CELF5: variants seen among roughly 807,000 people sequenced by gnomAD.
CELF5 encodes CUGBP Elav-like family member 5.
In CELF5, 6 loss-of-function variants were observed where a neutral mutation model predicts 54.9. The ratio of observed to expected loss-of-function variants is 0.11; its 90% CI spans 0.06 to 0.22. The LOEUF (loss-of-function observed/expected upper bound fraction) is 0.22. Among genes scored for constraint, CELF5 ranks in the 10% least tolerant of loss-of-function variants. CELF5 has a pLI of 1.00. For synonymous variants in CELF5, 271 were observed against 290.9 expected (o/e 0.93, Z 0.70); for missense variants, 401 against 678.6 (o/e 0.59, Z 4.54).
chr19:3,248,846 C>CTT (rs1185637740), intron 1 of CELF5, among the ~76,000 whole-genome samples: 1 of 139,340 alleles, frequency 7.2e-6, no homozygotes, highest in African/African-American at 2.6e-5. Context: ...AAACTTTTTT[C>CTT]TTTCTTTCTT....
chr19:3,277,329 TG>T (rs1213023762), intron 4 of CELF5, among the ~76,000 whole-genome samples: 4 of 151,964 alleles, frequency 2.6e-5, no homozygotes, highest in Admixed American at 2.0e-4. Flanking sequence ...AAAAATTAGC[TG>T]GGCGTGGTGG....
intron 9 of CELF5, among the ~76,000 whole-genome samples, chr19:3,285,609 C>G (rs913785797): frequency 6.7e-6 from 1 of 148,864 alleles, no homozygotes; most frequent in Non-Finnish European, 1.5e-5. Flanking sequence ...AGCCTTGGCC[C>G]CGCCCTCTAC....
At chr19:3,290,155 A>G in intron 10 of CELF5, 76 bp from the exon 11 acceptor site, 1 of 1,182,748 alleles carries the variant, frequency 8.5e-7, no homozygotes, top group Non-Finnish European at 1.2e-6. Context: ...TGCGGGCTCC[A>G]GACCTGTGCC....
chr19:3,227,042 C>T (rs1328619541), intron 1 of CELF5, among the ~76,000 whole-genome samples: 1 of 152,104 alleles, frequency 6.6e-6, no homozygotes, highest in African/African-American at 2.4e-5. Flanking sequence ...CGGCAATCAC[C>T]CTCCACTTTT....
chr19:3,286,091 C>A, intron 10 of CELF5, 66 bp downstream of exon 10: 1 of 1,360,886 alleles, frequency 7.3e-7, no homozygotes, highest in East Asian at 2.8e-5. Flanking sequence ...CACCTGCAGG[C>A]TCCGTGTCTG....
In CELF5 at chr19:3,268,988, G is replaced by T. The variant is rs2079921134; in HGVS notation, c.343-4884G>T. On this transcript the variant is annotated intron_variant, in intron 2 of 12. Coordinates refer to ENST00000292672, the MANE Select transcript of CELF5 (RefSeq NM_021938.4). The surrounding 1 kb of genome is among the most constrained non-coding windows in gnomAD (Gnocchi z 4.4). ...GGATCAAGGGCTGAGCCTCTACCCA[G>T]AGAGCAATAGGGAGCCACAGCAGCG... is the stretch of plus-strand genomic sequence containing the variant. Among the ~76,000 whole-genome samples, 1 of 152,132 alleles carries T rather than the reference G, an allele frequency of 6.6e-6. No individual in the cohort carries two copies. Among genetic ancestry groups the T allele is most frequent in the African/African-American group, 2.4e-5 (1 of 41,408 alleles).
At chr19:3,284,743 C>T (rs1259411627) in intron 8 of CELF5, 159 bp from the exon 9 acceptor site, 1 of 657,324 alleles carries the variant, frequency 1.5e-6, no homozygotes, top group Non-Finnish European at 2.8e-6. Flanking sequence ...CAAGTGGCTT[C>T]ACCTTCCTCG....
At chr19:3,291,368 T>G (rs1384308899) in intron 11 of CELF5, among the ~76,000 whole-genome samples, 3 of 151,660 alleles carry the variant, frequency 2.0e-5, no homozygotes, top group Admixed American at 2.0e-4. Flanking sequence ...GATCGAGACA[T>G]CCTGGCTAAC....
rs1257093554 is a variant in CELF5 at position 3,281,449 on chromosome 19, G to A, written c.750+104G>A. ...TCTCCCTCCATCTCCCTGACTCAGGGTCCTCTCCTGGCGTGGCTGAACCCC... is the reference window on the plus strand; with the variant it reads ...TCTCCCTCCATCTCCCTGACTCAGGATCCTCTCCTGGCGTGGCTGAACCCC... On this transcript the variant is annotated intron_variant, in intron 6 of 12. Transcript: ENST00000292672. The surrounding 1 kb of genome is among the most constrained non-coding windows in gnomAD (Gnocchi z 6.5). The A allele has an allele frequency of 7.4e-7, 1 of 1,351,480 alleles. No homozygotes were observed. The allele number at this position is 1,351,480 out of a possible 1,614,324, so 83.7% of individuals were successfully genotyped here.
At chr19:3,285,671 C>G (rs900818746) in intron 9 of CELF5, among the ~76,000 whole-genome samples, 1 of 127,346 alleles carries the variant, frequency 7.9e-6, no homozygotes, top group Non-Finnish European at 1.7e-5. Context: ...CCGCCCCCAC[C>G]CCCCCTTCCC....
intron 10 of CELF5, 95 bp downstream of exon 10, chr19:3,286,120 C>T: frequency 1.8e-6 from 2 of 1,141,372 alleles, no homozygotes; most frequent in Non-Finnish European, 2.3e-6. Context: ...CTCTGGGACC[C>T]GCGGGGCTGA....
chr19:3,293,525 C>G lies in CELF5; in HGVS notation c.*40+39C>G, dbSNP rs562017768. ...CGGCCCCACCCCCGCCCAAGCCCCC[C>G]GTCTTGTCTGAAACCCCCTCCCGCG... On this transcript the variant is annotated intron_variant, in intron 12 of 12. Transcript: ENST00000292672. 10 of 1,532,252 alleles carry G rather than the reference C, an allele frequency of 6.5e-6. No individual in the cohort carries two copies. In the Admixed American group the frequency reaches 1.4e-4, roughly 21 times the overall value. The allele number at this position is 1,532,252 out of a possible 1,614,324, so 94.9% of individuals were successfully genotyped here. A position where few individuals can be genotyped will look rare whatever the true frequency, so the allele number is the denominator to read the frequency against.
chr19:3,253,875 C>T lies in CELF5; in HGVS notation c.342+2808C>T, dbSNP rs113363946. ...GTACATAGATGGAGATTTACCAACA[C>T]TTCTAAGGAGTCCTCCCAGCTAAGC... On this transcript the variant is annotated intron_variant, in intron 2 of 12. Transcript: ENST00000292672. Among the ~76,000 whole-genome samples, 867 of 152,296 alleles carry T rather than the reference C, an allele frequency of 5.7e-3. 5 individuals are homozygous for T. Among genetic ancestry groups the T allele is most frequent in the African/African-American group, 0.019 (810 of 41,544 alleles).
chr19:3,244,731 TG>T (rs558288133), intron 1 of CELF5, among the ~76,000 whole-genome samples: 8 of 133,640 alleles, frequency 6.0e-5, no homozygotes, highest in African/African-American at 2.0e-4. Context: ...TGTGGTGTGT[TG>T]TGCGTGCCTT....
intron 11 of CELF5, 149 bp downstream of exon 11, chr19:3,290,523 G>A (rs915266744): frequency 6.4e-5 from 49 of 762,404 alleles, no homozygotes; most frequent in Middle Eastern, 4.0e-4. Context: ...AGTGGATCAC[G>A]CCTGTGATCC....
intron 1 of CELF5, among the ~76,000 whole-genome samples, chr19:3,241,429 G>A (rs935495886): frequency 5.3e-5 from 8 of 152,040 alleles, no homozygotes; most frequent in Admixed American, 5.2e-4. Context: ...GGTGCAGATT[G>A]CCAATCACTG....
intron 1 of CELF5, among the ~76,000 whole-genome samples, chr19:3,233,412 T>C (rs1917364420): frequency 6.6e-6 from 1 of 152,008 alleles, no homozygotes; most frequent in African/African-American, 2.4e-5. Context: ...CAAATAAAGT[T>C]GAGATAGGTG....
intron 9 of CELF5, 33 bp downstream of exon 9, chr19:3,284,997 C>CGGGCCCCGCCCCCGCCCA (rs2080213157): frequency 1.4e-6 from 2 of 1,448,226 alleles, no homozygotes; most frequent in Non-Finnish European, 9.6e-7. Context: ...GCGCTGGGCC[C>CGGGCCCCGCCCCCGCCCA]TGGCCCCGCC....
At chr19:3,232,550 G>A (rs1335970907) in intron 1 of CELF5, among the ~76,000 whole-genome samples, 1 of 151,598 alleles carries the variant, frequency 6.6e-6, no homozygotes, top group Non-Finnish European at 1.5e-5. Flanking sequence ...TACAGAGTGA[G>A]TCTGTAAAGA....
Sources: gnomAD v4.1 joint callset for allele counts (sites outside exome capture counted in the v4.1 genomes callset) on GRCh38, gnomAD v4.1.1 for gene constraint, Gnocchi (gnomAD v3.1) non-coding constraint, MANE v1.5 for transcripts, NCBI Gene and HGNC (gene_info 2026-07-23, HGNC 2026-07-21) for gene names.